RPS12: variants seen among roughly 807,000 people sequenced by gnomAD.
The protein encoded by RPS12 is small ribosomal subunit protein eS12.
RPS12 carries 1 observed loss-of-function variant against 17.2 expected under a neutral mutation model. The observed-to-expected ratio is 0.06, with a 90% CI of 0.02 to 0.28. The LOEUF (loss-of-function observed/expected upper bound fraction) is 0.28. Ranked by LOEUF, RPS12 falls within the 10% of genes least tolerant of loss-of-function variation. The pLI, the probability that RPS12 is intolerant of heterozygous loss-of-function variation, is 1.00. For missense variants in RPS12, 146 were observed against 162.1 expected, an observed-to-expected ratio of 0.90 and a Z score of 0.54; for synonymous variants, 67 against 54.0, an observed-to-expected ratio of 1.24 and a Z score of -1.06.
At chr6:132,816,821 G>A in intron 4 of RPS12, 139 bp from the exon 5 acceptor site, 1 of 776,266 alleles carries the variant, frequency 1.3e-6, no homozygotes, top group East Asian at 2.4e-5. Flanking sequence ...GATGACAACT[G>A]GCTCCCTCTA....
chr6:132,817,204 A>G lies in RPS12; in HGVS notation c.336+143A>G, dbSNP rs1252711135. On this transcript the variant is annotated intron_variant, in intron 5 of 5. Coordinates refer to ENST00000230050, the MANE Select transcript of RPS12 (RefSeq NM_001016.4). ...TTTTCTGCATTTCAGGAAAAAAATAAAAGCTGTAATTTACAAGCCAGCCAA... is the reference window on the plus strand; with the variant it reads ...TTTTCTGCATTTCAGGAAAAAAATAGAAGCTGTAATTTACAAGCCAGCCAA... 6.4e-6 allele frequency: 5 copies of G among 780,270 alleles called. No homozygotes were observed. In the East Asian group the frequency reaches 1.2e-4, roughly 19 times the overall value. 48.3% of individuals were successfully genotyped at this position (780,270 alleles called of 1,614,324 possible).
At chr6:132,815,832 TTTTTTTC>T (rs1275595547) in intron 3 of RPS12, 4 of 434,076 alleles carry the variant, frequency 9.2e-6, no homozygotes, top group Admixed American at 8.2e-5. Context: ...CACAGTCTTT[TTTTTTTC>T]TTTTTTCTTT....
In RPS12 at chr6:132,817,468, GTT is replaced by G; in HGVS notation, c.337-5_337-4del. 6.4e-7 allele frequency: 1 copy of G among 1,552,670 alleles called. No homozygotes were observed. On this transcript the variant is annotated splice_polypyrimidine_tract_variant and intron_variant, in intron 5 of 5. Coordinates refer to ENST00000230050, the MANE Select transcript of RPS12 (RefSeq NM_001016.4). Reference sequence around the variant, plus strand: ...TAACAAGAAATTGCATGCGTGTTTTGTTTTTTTTAAGGACTATGGCAAGGAGT... The same window carrying G: ...TAACAAGAAATTGCATGCGTGTTTTGTTTTTTAAGGACTATGGCAAGGAGT...
Position 132,816,735 on chromosome 6 carries a change from A to G in RPS12, c.234+172A>G. ...AGGTAGAAGCATTTTATACCTGCAG[A>G]ATTGAATCCTAATTTTGACGTTGGT... On this transcript the variant is annotated intron_variant, in intron 4 of 5. Transcript: ENST00000230050. The G allele has an allele frequency of 3.9e-6, 3 of 768,770 alleles. No individual in the cohort carries two copies. In the South Asian group the frequency reaches 4.1e-5, roughly 10 times the overall value. The allele number at this position is 768,770 out of a possible 1,614,324, so 47.6% of individuals were successfully genotyped here.
intron 3 of RPS12, 108 bp from the exon 4 acceptor site, chr6:132,816,353 C>A: frequency 2.6e-6 from 2 of 766,174 alleles, no homozygotes; most frequent in Non-Finnish European, 2.2e-6. Flanking sequence ...AGTGGATTGG[C>A]TGCTTATGTT....
At chr6:132,814,917 A>G (rs2114709165) in intron 2 of RPS12, 55 bp from the exon 3 acceptor site, 3 of 1,398,706 alleles carry the variant, frequency 2.1e-6, no homozygotes, top group African/African-American at 2.8e-5. Context: ...GCTGAGTGCA[A>G]GGCCTTATGT....
At position 132,817,316 on chromosome 6, in the gene RPS12, A is replaced by T. The variant is rs773071328; in HGVS notation, c.337-164A>T. On this transcript the variant is annotated intron_variant, in intron 5 of 5. Coordinates refer to ENST00000230050, the MANE Select transcript of RPS12 (RefSeq NM_001016.4). ...CATGTTACGAGCCTTAAGGACATTGAAGTCGTTAAGGTCCCTGAGAATGGC... is the reference window on the plus strand; with the variant it reads ...CATGTTACGAGCCTTAAGGACATTGTAGTCGTTAAGGTCCCTGAGAATGGC... The T allele has an allele frequency of 6.4e-6, 5 of 779,302 alleles. No individual in the cohort carries two copies. The South Asian group carries it at 6.8e-5, about 11-fold the overall frequency. 48.3% of individuals were successfully genotyped at this position (779,302 alleles called of 1,614,324 possible).
intron 2 of RPS12, 61 bp downstream of exon 2, chr6:132,814,843 G>A (rs549409043): frequency 6.6e-7 from 1 of 1,525,576 alleles, no homozygotes; most frequent in African/African-American, 1.4e-5. Flanking sequence ...TGGGGCTAGA[G>A]CTGGCGGAAC....
intron 5 of RPS12, 194 bp from the exon 6 acceptor site, chr6:132,817,286 A>G (rs1393720965): frequency 2.6e-6 from 2 of 773,142 alleles, no homozygotes; most frequent in Non-Finnish European, 4.7e-6. Flanking sequence ...TGGCAATAGT[A>G]AAGCCATGTT....
At chr6:132,816,882 T>A (rs1279739907) in intron 4 of RPS12, 78 bp from the exon 5 acceptor site, 4 of 991,090 alleles carry the variant, frequency 4.0e-6, no homozygotes, top group African/African-American at 3.2e-5. Context: ...TACAGCCACC[T>A]TTTGGGTTTC....
At position 132,815,052 on chromosome 6, in the gene RPS12, C is replaced by G; in HGVS notation, c.95C>G (p.Ala32Gly). The G allele has an allele frequency of 6.2e-7, 1 of 1,612,936 alleles. No homozygotes were observed. The highest frequency in any genetic ancestry group is 8.5e-7 in the Non-Finnish European group (1 of 1,179,010). Residue 32 changes from alanine (A) to glycine (G), a missense_variant, in exon 3 of 6, where the codon GCA becomes GGA. Physicochemically the swap from Ala to Gly is moderately conservative, Grantham distance 60. Around this residue, in one of 2 missense-constraint regions of RPS12, gnomAD observed 117 missense variants for 104.6 expected, o/e 1.12. Coordinates refer to ENST00000230050, the MANE Select transcript of RPS12 (RefSeq NM_001016.4). Reference protein sequence around the residue: ...LKTALIHDGLARGIREAAKAL... With the variant: ...LKTALIHDGLGRGIREAAKAL... ...ACTGCCCTCATCCACGATGGCCTAG[C>G]ACGTGGAATTCGCGAAGCTGCCAAA... is the stretch of plus-strand genomic sequence containing the variant.
intron 5 of RPS12, 187 bp downstream of exon 5, chr6:132,817,248 T>A (rs202199399): frequency 1.1e-4 from 86 of 772,574 alleles, no homozygotes; most frequent in Non-Finnish European, 1.9e-4. Flanking sequence ...CTTACCTGAT[T>A]GTGTTTGTGC....
At chr6:132,816,596 G>A in intron 4 of RPS12, 33 bp downstream of exon 4, 1 of 1,383,174 alleles carries the variant, frequency 7.2e-7, no homozygotes, top group South Asian at 1.2e-5. Flanking sequence ...TGGGACTAAT[G>A]TTCAGTGATG....
At chr6:132,817,098 T>A (rs1782080023) in intron 5 of RPS12, 37 bp downstream of exon 5, 1 of 1,235,466 alleles carries the variant, frequency 8.1e-7, no homozygotes, top group Non-Finnish European at 1.2e-6. Context: ...AAGGTTATGC[T>A]GGGTAATCAT....
At chr6:132,816,251 T>A (rs1195940542) in intron 3 of RPS12, among the ~76,000 whole-genome samples, 1 of 152,188 alleles carries the variant, frequency 6.6e-6, no homozygotes, top group Non-Finnish European at 1.5e-5. Flanking sequence ...GACAGAGGTT[T>A]TACTGAAGAC....
chr6:132,817,532 G>C lies in RPS12; in HGVS notation c.389G>C (p.Cys130Ser). 1 of 1,611,088 alleles carries C rather than the reference G, an allele frequency of 6.2e-7. No homozygotes were observed. Among genetic ancestry groups the C allele is most frequent in the Non-Finnish European group, 8.5e-7 (1 of 1,178,906 alleles). ...GATGTCATTGAAGAGTATTTCAAAT[G>C]CAAGAAATGAAGAAATAAATCTTTG... is the stretch of plus-strand genomic sequence containing the variant. ...AKDVIEEYFK[C>S]KK Residue 130 changes from cysteine to serine, a missense_variant, in exon 6 of 6, where the codon TGC becomes TCC. Physicochemically the swap from Cys to Ser is moderately radical, Grantham distance 112 (BLOSUM62 -1). This residue lies in a region of RPS12 where 29 missense variants were observed against 57.5 expected (regional missense o/e 0.50). Transcript: ENST00000230050.
chr6:132,815,547 A>G (rs753513977), intron 3 of RPS12: 4 of 433,934 alleles, frequency 9.2e-6, no homozygotes, highest in Non-Finnish European at 1.9e-5. Context: ...AATAGCTGTG[A>G]TTTATTTGAA....
At chr6:132,815,395 C>A (rs573984817) in intron 3 of RPS12, 15 of 572,352 alleles carry the variant, frequency 2.6e-5, no homozygotes, top group African/African-American at 2.6e-4. Context: ...GGTTGTGGAG[C>A]TAGTCAGTCT....
chr6:132,816,819 C>T, intron 4 of RPS12, 141 bp from the exon 5 acceptor site: 1 of 775,608 alleles, frequency 1.3e-6, no homozygotes, highest in Non-Finnish European at 2.3e-6. Flanking sequence ...ATGATGACAA[C>T]TGGCTCCCTC....
Sources: allele counts gnomAD v4.1 joint callset (sites outside exome capture counted in the v4.1 genomes callset), GRCh38; gene constraint gnomAD v4.1.1; regional missense constraint gnomAD v4.1.1; transcripts MANE v1.5; gene names NCBI Gene and HGNC (gene_info 2026-07-23, HGNC 2026-07-21).